GALNT15: variants seen among roughly 807,000 people sequenced by gnomAD.
GALNT15 encodes UDP-GalNAc transferase T15.
Under a neutral mutation model 66.8 loss-of-function variants are expected in GALNT15, and 67 were observed. The ratio of observed to expected loss-of-function variants is 1.00; its 90% CI spans 0.82 to 1.23. GALNT15 has a LOEUF of 1.23. Among genes scored for constraint, GALNT15 ranks in the 50% most tolerant of loss-of-function variants. The pLI is 0.00. For synonymous variants in GALNT15, 313 were observed against 311.5 expected, an observed-to-expected ratio of 1.00 and a Z score of -0.05; for missense variants, 827 against 804.3, an observed-to-expected ratio of 1.03 and a Z score of -0.34.
downstream of GALNT15, among the ~76,000 whole-genome samples, chr3:16,232,449 TC>T: frequency 1.1e-5 from 1 of 92,202 alleles, no homozygotes; most frequent in African/African-American, 4.0e-5. Flanking sequence ...TAGCCTGGCC[TC>T]AAAATAAATA....
At chr3:16,194,202 G>A (rs527855311) in intron 1 of GALNT15, among the ~76,000 whole-genome samples, 3 of 152,116 alleles carry the variant, frequency 2.0e-5, no homozygotes, top group South Asian at 4.1e-4. Context: ...CCCAACCCAC[G>A]GATTAATTAT....
Position 16,193,671 on chromosome 3 carries a change from A to C in GALNT15, c.540-2089A>C, listed in dbSNP as rs551589316. Among the ~76,000 whole-genome samples the C allele has an allele frequency of 9.3e-4, 142 of 152,284 alleles. No individual in the cohort carries two copies. Among genetic ancestry groups the C allele is most frequent in the Non-Finnish European group, 1.9e-3 (126 of 68,024 alleles). ...AAGCTAGGGAGCAGCAAGAGTTGGCACATCTTAGAAGGTGTTTCCCTCAGA... is the reference window on the plus strand; with the variant it reads ...AAGCTAGGGAGCAGCAAGAGTTGGCCCATCTTAGAAGGTGTTTCCCTCAGA... On this transcript the variant is annotated intron_variant, in intron 1 of 9. Transcript: ENST00000339732. The surrounding 1 kb of genome is among the most constrained non-coding windows in gnomAD (Gnocchi z 4.7).
chr3:16,199,771 C>G (rs954094059), intron 2 of GALNT15, among the ~76,000 whole-genome samples: 2 of 152,164 alleles, frequency 1.3e-5, no homozygotes, highest in Non-Finnish European at 2.9e-5. Flanking sequence ...TTGACCATGA[C>G]TGGGGCTGGG....
chr3:16,246,321 GTTTT>G, the GALNT15 span, among the ~76,000 whole-genome samples: 15 of 85,272 alleles, frequency 1.8e-4, no homozygotes, highest in Non-Finnish European at 2.5e-4. Flanking sequence ...TTTGAAAGTG[GTTTT>G]TTTTTTTTTT....
Position 16,175,248 on chromosome 3 carries a change from T to C in GALNT15, c.97T>C (p.Leu33=), listed in dbSNP as rs149885427. The C allele has an allele frequency of 2.4e-5, 38 of 1,614,018 alleles. No individual in the cohort carries two copies. The highest frequency in any genetic ancestry group is 1.7e-5 in the Admixed American group (1 of 60,010). Residue 33 remains leucine, a synonymous_variant, in exon 1 of 10, where the codon TTG becomes CTG. Coordinates refer to ENST00000339732, the MANE Select transcript of GALNT15 (RefSeq NM_054110.5). This position sits in a 1 kb window ranked among gnomAD's most constrained non-coding sequence, Gnocchi z 5.6. ...ATGCGTCCTGATGATGGTGGCGATG[T>C]TGCACCCTCCCCACCACACCCTGCA... is the stretch of plus-strand genomic sequence containing the variant. ...LGCVLMMVAM[L]HPPHHTLHQT... is the part of the protein sequence containing the mutation.
intron 4 of GALNT15, among the ~76,000 whole-genome samples, chr3:16,210,820 C>G (rs941953968): frequency 6.6e-6 from 1 of 152,208 alleles, no homozygotes; most frequent in Admixed American, 6.5e-5. Context: ...AAACATCTTT[C>G]CAGAGGGACT....
Position 16,227,297 on chromosome 3 carries a change from T to C in GALNT15, c.1774-57T>C. On this transcript the variant is annotated intron_variant, in intron 9 of 9. Transcript: ENST00000339732. This position sits in a 1 kb window ranked among gnomAD's most constrained non-coding sequence, Gnocchi z 4.5. The stretch of plus-strand genomic sequence containing the variant: ...AGCACAAATCTTAAAAATATTTTCT[T>C]TTGCTGACTGATTGTGGGGGACTGG... 6.4e-7 allele frequency: 1 copy of C among 1,553,640 alleles called. No individual in the cohort carries two copies. Among genetic ancestry groups the C allele is most frequent in the Non-Finnish European group, 8.7e-7 (1 of 1,147,372 alleles).
In GALNT15 at chr3:16,187,916, A is replaced by G. The variant is rs556545147; in HGVS notation, c.540-7844A>G. On this transcript the variant is annotated intron_variant, in intron 1 of 9. Transcript: ENST00000339732. This position sits in a 1 kb window ranked among gnomAD's most constrained non-coding sequence, Gnocchi z 5.1. ...CTACCCTATTCCTCCATTCTCCCTCAGTGAAAACAAATCATAGACTCAAAG... is the reference window on the plus strand; with the variant it reads ...CTACCCTATTCCTCCATTCTCCCTCGGTGAAAACAAATCATAGACTCAAAG... Among the ~76,000 whole-genome samples, 1 of 152,342 alleles carries G rather than the reference A, an allele frequency of 6.6e-6. No homozygotes were observed. Among genetic ancestry groups the G allele is most frequent in the East Asian group, 1.9e-4 (1 of 5,190 alleles).
rs2063496425 is a variant in GALNT15 at position 16,184,172 on chromosome 3, G to A, written c.539+8482G>A. 1.3e-5 allele frequency among the ~76,000 whole-genome samples: 2 copies of A among 152,118 alleles called. No individual in the cohort carries two copies. Among genetic ancestry groups the A allele is most frequent in the African/African-American group, 4.8e-5 (2 of 41,416 alleles). ...CAAAGGATGAACAAAGGAGGTCAGG[G>A]GTGGGGTTTTGGACACTTGAGTGAC... On this transcript the variant is annotated intron_variant, in intron 1 of 9. Coordinates refer to ENST00000339732, the MANE Select transcript of GALNT15 (RefSeq NM_054110.5). The surrounding 1 kb of genome is among the most constrained non-coding windows in gnomAD (Gnocchi z 5.0).
In GALNT15 at chr3:16,222,676, C is replaced by T. The variant is rs2063956687; in HGVS notation, c.1691C>T (p.Ala564Val). The change falls in exon 9 of 10, where the codon GCT becomes GTT. Residue 564 changes from alanine (A) to valine (V), a missense_variant. Coordinates refer to ENST00000339732, the MANE Select transcript of GALNT15 (RefSeq NM_054110.5). Reference sequence around the variant, plus strand: ...GGCAGCCCACAGCACCTGTGCTTTGCTGTCAGGCAGGAGCAGGTGATTCTT... The same window carrying T: ...GGCAGCCCACAGCACCTGTGCTTTGTTGTCAGGCAGGAGCAGGTGATTCTT... ...HFGSPQHLCF[A>V]VRQEQVILQN... is the part of the protein sequence containing the mutation. 6.2e-7 allele frequency: 1 copy of T among 1,614,234 alleles called. No individual in the cohort carries two copies. The highest frequency in any genetic ancestry group is 8.5e-7 in the Non-Finnish European group (1 of 1,180,030).
intron 2 of GALNT15, among the ~76,000 whole-genome samples, chr3:16,196,218 A>C (rs931114973): frequency 1.3e-5 from 2 of 152,086 alleles, no homozygotes; most frequent in African/African-American, 4.8e-5. Flanking sequence ...TCTCTCTCCC[A>C]GGTGCCACCC....
At chr3:16,223,087 A>G (rs1255476573) in intron 9 of GALNT15, among the ~76,000 whole-genome samples, 2 of 152,242 alleles carry the variant, frequency 1.3e-5, no homozygotes, top group Admixed American at 1.3e-4. Context: ...AGGAACGTTC[A>G]GCCACCTTGG....
rs1348149055 is a variant in GALNT15, at chr3:16,175,542, C to G, written c.391C>G (p.Pro131Ala). ...GCCAAGGAGGCAGGATAAGGAAGCC[C>G]CAAAGAGGGACTGGGGGGCTGATGA... ...KQPRRQDKEA[P>A]KRDWGADEDG... The change falls in exon 1 of 10, where the codon CCA (proline) becomes GCA (alanine). Residue 131 changes from proline (P) to alanine (A), a missense_variant. Transcript: ENST00000339732. This position sits in a 1 kb window ranked among gnomAD's most constrained non-coding sequence, Gnocchi z 5.6. 1 of 1,614,054 alleles carries G rather than the reference C, an allele frequency of 6.2e-7. No individual in the cohort carries two copies. The highest frequency in any genetic ancestry group is 1.1e-5 in the South Asian group (1 of 91,080).
At position 16,187,870 on chromosome 3, in the gene GALNT15, A is replaced by G. The variant is rs935224699; in HGVS notation, c.540-7890A>G. On this transcript the variant is annotated intron_variant, in intron 1 of 9. Transcript: ENST00000339732. This position sits in a 1 kb window ranked among gnomAD's most constrained non-coding sequence, Gnocchi z 5.1. ...AGTGGTGGCTATGATAAATATTAAT[A>G]AGACACCTGCATCACAGGTGCTACC... 1.3e-5 allele frequency among the ~76,000 whole-genome samples: 2 copies of G among 152,226 alleles called. No homozygotes were observed. Among genetic ancestry groups the G allele is most frequent in the Non-Finnish European group, 2.9e-5 (2 of 68,030 alleles).
chr3:16,227,694 T>TAAA lies in GALNT15; in HGVS notation c.*207_*209dup, dbSNP rs4035393. ...TTATTTCATTGACTGCTGGCTGCTTTAAAAAAAAAAAAAAAGGATCCATTG... is the reference window on the plus strand; with the variant it reads ...TTATTTCATTGACTGCTGGCTGCTTTAAAAAAAAAAAAAAAAAAGGATCCATTG... On this transcript the variant is annotated 3_prime_UTR_variant, in exon 10 of 10. Transcript: ENST00000339732. The surrounding 1 kb of genome is among the most constrained non-coding windows in gnomAD (Gnocchi z 4.5). The TAAA allele has an allele frequency of 1.2e-5, 15 of 1,283,746 alleles. No homozygotes were observed. The highest frequency in any genetic ancestry group is 7.8e-5 in the African/African-American group (5 of 64,086). 79.5% of individuals were successfully genotyped at this position (1,283,746 alleles called of 1,614,324 possible).
rs2063623862 is a variant in GALNT15, at chr3:16,195,624, G to A, written c.540-136G>A. 1.6e-6 allele frequency: 1 copy of A among 624,800 alleles called. No individual in the cohort carries two copies. Among genetic ancestry groups the A allele is most frequent in the African/African-American group, 1.8e-5 (1 of 55,296 alleles). 38.7% of individuals were successfully genotyped at this position (624,800 alleles called of 1,614,324 possible). A position where few individuals can be genotyped will look rare whatever the true frequency, so the allele number is the denominator to read the frequency against. On this transcript the variant is annotated intron_variant, in intron 1 of 9. Transcript: ENST00000339732. The surrounding 1 kb of genome is among the most constrained non-coding windows in gnomAD (Gnocchi z 4.6). ...AGGCGTAACAGGTTCTTTTTATATGGGAATTTTAAGAGATCCCATAGGACA... is the reference window on the plus strand; with the variant it reads ...AGGCGTAACAGGTTCTTTTTATATGAGAATTTTAAGAGATCCCATAGGACA...
chr3:16,217,740 A>T lies in GALNT15; in HGVS notation c.1393-1663A>T, dbSNP rs66853224. ...GGTCAAACAAAGATTGGGTAGATTT[A>T]TCAGTTTATCTCTTTATCAAGGAAA... On this transcript the variant is annotated intron_variant, in intron 6 of 9. Transcript: ENST00000339732. 4.6e-5 allele frequency among the ~76,000 whole-genome samples: 7 copies of T among 152,214 alleles called. No homozygotes were observed. The East Asian group carries it at 1.4e-3, about 29-fold the overall frequency.
chr3:16,247,801 TC>T, the GALNT15 span, among the ~76,000 whole-genome samples: 2 of 152,072 alleles, frequency 1.3e-5, no homozygotes, highest in African/African-American at 4.8e-5. Context: ...CAGTCTGCTG[TC>T]CCCCTCCCGG....
chr3:16,199,677 C>T (rs535328361), intron 2 of GALNT15, among the ~76,000 whole-genome samples: 1 of 151,698 alleles, frequency 6.6e-6, no homozygotes, highest in Non-Finnish European at 1.5e-5. Flanking sequence ...TGAAGTCCAG[C>T]CATAGCCTGA....
Sources: gnomAD v4.1 joint callset for allele counts (sites outside exome capture counted in the v4.1 genomes callset) on GRCh38, gnomAD v4.1.1 for gene constraint, Gnocchi (gnomAD v3.1) non-coding constraint, MANE v1.5 for transcripts, NCBI Gene and HGNC (gene_info 2026-07-23, HGNC 2026-07-21) for gene names.